The following FAM171A1 variants were observed in gnomAD, a reference collection of about 807,000 sequenced individuals.
The protein encoded by FAM171A1 is family with sequence similarity 171 member A1, also known as protein FAM171A1.
Under a neutral mutation model 74.9 loss-of-function variants are expected in FAM171A1, and 23 were observed. That is an observed-to-expected ratio of 0.31 (90% CI 0.22 to 0.44). The LOEUF is 0.44. Ranked by LOEUF, FAM171A1 falls within the 20% of genes least tolerant of loss-of-function variation. FAM171A1 has a pLI of 1.00. For synonymous variants in FAM171A1, 527 were observed against 505.7 expected (o/e 1.04, Z -0.57); for missense variants, 1,162 against 1,159.2 (o/e 1.00, Z -0.03).
chr10:15,254,918 A>G (rs753756842), intron 3 of FAM171A1, 39 bp from the exon 4 acceptor site: 18 of 1,589,574 alleles, frequency 1.1e-5, no homozygotes, highest in Non-Finnish European at 1.5e-5. Context: ...CCCCAGGAGC[A>G]GTTTCTGTTT....
Position 15,330,399 on chromosome 10 carries a change from C to T in FAM171A1, c.97+40557G>A, listed in dbSNP as rs116595124. On this transcript the variant is annotated intron_variant, in intron 1 of 7. Coordinates refer to ENST00000378116, the MANE Select transcript of FAM171A1 (RefSeq NM_001010924.2). ...TCATATTTTTAAAGGTAAACAAATG[C>T]ATTTCTTTGGGAGTCATGGAATAGG... Among the ~76,000 whole-genome samples the T allele has an allele frequency of 2.4e-3, 372 of 152,122 alleles. 4 individuals are homozygous for T. Among genetic ancestry groups the T allele is most frequent in the East Asian group, 0.012 (62 of 5,176 alleles).
At chr10:15,326,495 A>T (rs1306462014) in intron 1 of FAM171A1, among the ~76,000 whole-genome samples, 1 of 151,470 alleles carries the variant, frequency 6.6e-6, no homozygotes, top group African/African-American at 2.4e-5. Context: ...CTGTATTTTT[A>T]GTAGAGATGG....
intron 5 of FAM171A1, among the ~76,000 whole-genome samples, chr10:15,223,260 T>C (rs1323629487): frequency 1.3e-5 from 2 of 152,208 alleles, no homozygotes; most frequent in Non-Finnish European, 2.9e-5. Context: ...TTGCGACTGC[T>C]CCTACTCCCG....
intron 1 of FAM171A1, among the ~76,000 whole-genome samples, chr10:15,299,152 C>A (rs1835197392): frequency 6.6e-6 from 1 of 152,150 alleles, no homozygotes; most frequent in Admixed American, 6.5e-5. Flanking sequence ...CTCCCGACCT[C>A]AGGTGATCCG....
At chr10:15,345,391 A>G (rs1425906236) in intron 1 of FAM171A1, among the ~76,000 whole-genome samples, 1 of 152,220 alleles carries the variant, frequency 6.6e-6, no homozygotes, top group Admixed American at 6.5e-5. Flanking sequence ...AGCAAAGCTA[A>G]GCACACAGAC....
At chr10:15,218,061 G>A (rs918834821) in intron 6 of FAM171A1, among the ~76,000 whole-genome samples, 2 of 152,080 alleles carry the variant, frequency 1.3e-5, no homozygotes, top group Non-Finnish European at 2.9e-5. Flanking sequence ...CGTCCTTTAA[G>A]TACTCAAAGC....
chr10:15,314,880 C>T (rs1404725045), intron 1 of FAM171A1, among the ~76,000 whole-genome samples: 6 of 152,212 alleles, frequency 3.9e-5, no homozygotes, highest in Non-Finnish European at 8.8e-5. Context: ...GGCCTGCAGC[C>T]GCGGGGAGGA....
intron 3 of FAM171A1, among the ~76,000 whole-genome samples, chr10:15,258,494 C>A (rs535417167): frequency 5.3e-5 from 8 of 152,298 alleles, no homozygotes; most frequent in Admixed American, 2.0e-4. Context: ...CCTCCCCAAC[C>A]AACAAAAATA....
intron 1 of FAM171A1, among the ~76,000 whole-genome samples, chr10:15,351,385 C>T (rs908066686): frequency 2.0e-5 from 3 of 152,168 alleles, no homozygotes; most frequent in African/African-American, 7.2e-5. Flanking sequence ...CACGCTGCAG[C>T]AGCCAAATGA....
At chr10:15,354,508 TG>T (rs1835912201) in intron 1 of FAM171A1, among the ~76,000 whole-genome samples, 2 of 150,366 alleles carry the variant, frequency 1.3e-5, no homozygotes, top group Admixed American at 1.3e-4. Context: ...AAAAAAGTGG[TG>T]GACGGTGGAA....
intron 2 of FAM171A1, among the ~76,000 whole-genome samples, chr10:15,280,241 C>T (rs4750616): frequency 0.31 from 47,097 of 152,026 alleles, 8,826 homozygotes; most frequent in East Asian, 0.57. Flanking sequence ...GAGGAGGCTC[C>T]GTGTCACGTT....
intron 1 of FAM171A1, among the ~76,000 whole-genome samples, chr10:15,308,220 C>T (rs146978722): frequency 8.5e-5 from 13 of 152,168 alleles, no homozygotes; most frequent in East Asian, 3.9e-4. Flanking sequence ...AACTGCAACA[C>T]ATTATACTCT....
At chr10:15,276,081 T>C in intron 2 of FAM171A1, 134 bp from the exon 3 acceptor site, 1 of 582,338 alleles carries the variant, frequency 1.7e-6, no homozygotes. Flanking sequence ...TTTAGTTAGA[T>C]TAGCAAAAGA....
At chr10:15,280,330 C>T (rs977788172) in intron 2 of FAM171A1, among the ~76,000 whole-genome samples, 2 of 152,188 alleles carry the variant, frequency 1.3e-5, no homozygotes, top group Non-Finnish European at 2.9e-5. Flanking sequence ...TATTTTCATA[C>T]ACAAATGCTC....
chr10:15,341,822 A>G (rs907057926), intron 1 of FAM171A1, among the ~76,000 whole-genome samples: 1 of 152,210 alleles, frequency 6.6e-6, no homozygotes, highest in African/African-American at 2.4e-5. Flanking sequence ...GTGGGACATC[A>G]CTGCCTAGAC....
chr10:15,216,129 G>A lies in FAM171A1; in HGVS notation c.872-19C>T. 6.6e-7 allele frequency: 1 copy of A among 1,524,386 alleles called. No homozygotes were observed. The highest frequency in any genetic ancestry group is 8.9e-7 in the Non-Finnish European group (1 of 1,121,698). The allele number at this position is 1,524,386 out of a possible 1,614,324, so 94.4% of individuals were successfully genotyped here. On this transcript the variant is annotated intron_variant, in intron 6 of 7. Transcript: ENST00000378116. ...ACGGGACCTAGAAGGTCAGAAAATG[G>A]CATTTAGAGTTTTGAACACCTTTAA...
intron 1 of FAM171A1, among the ~76,000 whole-genome samples, chr10:15,301,360 A>ATT (rs201237307): frequency 0.023 from 3,139 of 137,944 alleles, 38 homozygotes; most frequent in Non-Finnish European, 0.035. Flanking sequence ...ATATATATAT[A>ATT]TATTTTTTTT....
intron 1 of FAM171A1, among the ~76,000 whole-genome samples, chr10:15,294,424 T>A (rs1835137437): frequency 6.6e-6 from 1 of 152,196 alleles, no homozygotes; most frequent in Non-Finnish European, 1.5e-5. Flanking sequence ...CACACTCTCA[T>A]CCATGAATTT....
chr10:15,259,634 C>T (rs1382539509), intron 3 of FAM171A1, among the ~76,000 whole-genome samples: 1 of 152,034 alleles, frequency 6.6e-6, no homozygotes, highest in African/African-American at 2.4e-5. Context: ...TGATGAACTA[C>T]AGCTCAAAGA....
Sources: gnomAD v4.1 joint callset for allele counts (sites outside exome capture counted in the v4.1 genomes callset) on GRCh38, gnomAD v4.1.1 for gene constraint, MANE v1.5 for transcripts, NCBI Gene and HGNC (gene_info 2026-07-23, HGNC 2026-07-21) for gene names.